Variants in PTPRK observed in about 807,000 individuals in gnomAD.
PTPRK encodes the protein receptor-type tyrosine-protein phosphatase kappa.
PTPRK carries 75 observed loss-of-function variants against 178.0 expected under a neutral mutation model. The observed-to-expected ratio is 0.42, with a 90% CI of 0.35 to 0.51. The LOEUF (loss-of-function observed/expected upper bound fraction) is 0.51. Ranked by LOEUF, PTPRK falls within the 20% of genes least tolerant of loss-of-function variation. PTPRK has a pLI of 0.02. For missense variants in PTPRK, 1,441 were observed against 1,797.8 expected (o/e 0.80, Z 3.59); for synonymous variants, 637 against 620.6 (o/e 1.03, Z -0.39).
At chr6:127,972,031 G>T (rs1207694458) in intron 29 of PTPRK, among the ~76,000 whole-genome samples, 2 of 152,090 alleles carry the variant, frequency 1.3e-5, no homozygotes, top group African/African-American at 2.4e-5. Context: ...AGGGAAATGA[G>T]GTGGTGTAGG....
intron 3 of PTPRK, among the ~76,000 whole-genome samples, chr6:128,267,674 A>C (rs1327850219): frequency 6.6e-6 from 1 of 152,064 alleles, no homozygotes; most frequent in Admixed American, 6.6e-5. Context: ...AACATATACA[A>C]TCCCTTGTCT....
At chr6:128,319,040 T>C (rs910278358) in intron 3 of PTPRK, among the ~76,000 whole-genome samples, 38 of 152,184 alleles carry the variant, frequency 2.5e-4, no homozygotes, top group Non-Finnish European at 4.9e-4. Context: ...AGTTTGTTCC[T>C]TATATGTTAG....
chr6:128,239,125 G>GT (rs71833785), intron 5 of PTPRK, among the ~76,000 whole-genome samples: 10,179 of 98,676 alleles, frequency 0.1, 967 homozygotes, highest in African/African-American at 0.23. Flanking sequence ...AACTCATCTT[G>GT]TTTTTTTTTT....
chr6:128,500,248 T>C (rs376646799), intron 1 of PTPRK, among the ~76,000 whole-genome samples: 1 of 152,156 alleles, frequency 6.6e-6, no homozygotes, highest in Non-Finnish European at 1.5e-5. Context: ...TATCAGGCCC[T>C]GCTGAATAAA....
chr6:128,035,646 TC>T (rs1776085279), intron 13 of PTPRK, among the ~76,000 whole-genome samples: 1 of 152,164 alleles, frequency 6.6e-6, no homozygotes, highest in African/African-American at 2.4e-5. Flanking sequence ...GAGAGCAAAA[TC>T]TTCTACAGAG....
intron 7 of PTPRK, among the ~76,000 whole-genome samples, chr6:128,117,627 C>A (rs1791761454): frequency 6.6e-6 from 1 of 151,974 alleles, no homozygotes; most frequent in African/African-American, 2.4e-5. Flanking sequence ...TTTTATGCAA[C>A]CTAGTTTTCA....
intron 2 of PTPRK, among the ~76,000 whole-genome samples, chr6:128,343,669 CT>C (rs1262478629): frequency 1.3e-5 from 2 of 152,118 alleles, no homozygotes; most frequent in African/African-American, 4.8e-5. Context: ...AGTTAAAGTT[CT>C]ATTAACAAAC....
intron 6 of PTPRK, among the ~76,000 whole-genome samples, chr6:128,214,194 G>C (rs761213976): frequency 6.6e-6 from 1 of 152,086 alleles, no homozygotes; most frequent in Non-Finnish European, 1.5e-5. Flanking sequence ...AGTTCTAATA[G>C]GTTTTGAATG....
chr6:128,346,954 T>C (rs745965238), intron 2 of PTPRK, among the ~76,000 whole-genome samples: 3 of 152,136 alleles, frequency 2.0e-5, no homozygotes, highest in Non-Finnish European at 4.4e-5. Flanking sequence ...TAAGTGACAA[T>C]ACTTTAACTG....
intron 3 of PTPRK, among the ~76,000 whole-genome samples, chr6:128,304,419 C>T (rs7744979): frequency 0.053 from 8,063 of 152,098 alleles, 717 homozygotes; most frequent in African/African-American, 0.18. Context: ...GATAAAAATA[C>T]ACAAAACACC....
At chr6:128,129,415 T>C (rs1425676350) in intron 7 of PTPRK, among the ~76,000 whole-genome samples, 3 of 152,208 alleles carry the variant, frequency 2.0e-5, no homozygotes, top group Admixed American at 6.5e-5. Context: ...CTAGACTTTT[T>C]TTCATTAGAA....
intron 7 of PTPRK, among the ~76,000 whole-genome samples, chr6:128,128,283 C>G (rs1420917356): frequency 1.3e-5 from 2 of 152,262 alleles, no homozygotes; most frequent in East Asian, 3.9e-4. Context: ...CATAGCAAGT[C>G]AGACAAGGTG....
chr6:127,999,542 T>C lies in PTPRK; in HGVS notation c.2495-638A>G, dbSNP rs181222428. On this transcript the variant is annotated intron_variant, in intron 15 of 29. Coordinates refer to ENST00000368226, the MANE Select transcript of PTPRK (RefSeq NM_002844.4). ...TTACTGTTATTGTTTTTATTGCAAA[T>C]GTATTTTGAGTCTCTTGGCCACGCT... 2.6e-5 allele frequency among the ~76,000 whole-genome samples: 4 copies of C among 152,156 alleles called. No individual in the cohort carries two copies. In the East Asian group the frequency reaches 7.8e-4, roughly 30 times the overall value.
intron 11 of PTPRK, among the ~76,000 whole-genome samples, chr6:128,072,917 T>C (rs1297591265): frequency 6.6e-6 from 1 of 151,938 alleles, no homozygotes. Context: ...ATGCCAAAGA[T>C]CCATTTATCA....
At chr6:128,132,637 A>C (rs1794431025) in intron 7 of PTPRK, among the ~76,000 whole-genome samples, 1 of 152,190 alleles carries the variant, frequency 6.6e-6, no homozygotes, top group South Asian at 2.1e-4. Flanking sequence ...TGTGAACAAA[A>C]CATAAGTGAC....
chr6:128,378,164 T>C (rs2128353963), intron 2 of PTPRK, among the ~76,000 whole-genome samples: 1 of 152,290 alleles, frequency 6.6e-6, no homozygotes, highest in African/African-American at 2.4e-5. Flanking sequence ...AATTATTACA[T>C]TTATGAACTA....
At chr6:128,107,558 T>C (rs185113477) in intron 7 of PTPRK, among the ~76,000 whole-genome samples, 128 of 152,340 alleles carry the variant, frequency 8.4e-4, no homozygotes, top group African/African-American at 3.0e-3. Context: ...AAATTATTTG[T>C]ATTTGAGTAA....
intron 1 of PTPRK, among the ~76,000 whole-genome samples, chr6:128,418,562 A>C (rs2128385031): frequency 6.6e-6 from 1 of 152,284 alleles, no homozygotes; most frequent in Non-Finnish European, 1.5e-5. Context: ...CTGAGGTGGA[A>C]CGGTGTCCTC....
chr6:128,281,536 T>C (rs541251780), intron 3 of PTPRK, among the ~76,000 whole-genome samples: 7 of 152,098 alleles, frequency 4.6e-5, no homozygotes, highest in Non-Finnish European at 7.4e-5. Flanking sequence ...CTATTCTCTG[T>C]CTTAGAAACC....
Sources: gnomAD v4.1 joint callset for allele counts (sites outside exome capture counted in the v4.1 genomes callset) on GRCh38, gnomAD v4.1.1 for gene constraint, MANE v1.5 for transcripts, NCBI Gene and HGNC (gene_info 2026-07-23, HGNC 2026-07-21) for gene names.